The following NBEA variants were observed in gnomAD, a reference collection of about 807,000 sequenced individuals.
NBEA encodes neurobeachin.
Under a neutral mutation model 343.4 loss-of-function variants are expected in NBEA, and 44 were observed. The observed-to-expected ratio is 0.13, with a 90% CI of 0.10 to 0.16. The LOEUF is 0.16. Ranked by LOEUF, NBEA falls within the 10% of genes least tolerant of loss-of-function variation. The pLI is 1.00. For synonymous variants in NBEA, 1,175 were observed against 1,238.7 expected, an observed-to-expected ratio of 0.95 and a Z score of 1.08; for missense variants, 2,555 against 3,631.3, an observed-to-expected ratio of 0.70 and a Z score of 7.62.
At chr13:35,101,161 T>A (rs932780220) in intron 11 of NBEA, among the ~76,000 whole-genome samples, 1 of 152,054 alleles carries the variant, frequency 6.6e-6, no homozygotes, top group African/African-American at 2.4e-5. Flanking sequence ...CTGCCATGAA[T>A]GTTCATGTGC....
At chr13:35,061,757 G>T (rs529092902) in intron 8 of NBEA, among the ~76,000 whole-genome samples, 17 of 151,732 alleles carry the variant, frequency 1.1e-4, no homozygotes, top group Non-Finnish European at 1.8e-4. Flanking sequence ...GTATGGAGGG[G>T]TGAGCTCCTA....
At chr13:35,103,743 A>G (rs1014370151) in intron 11 of NBEA, among the ~76,000 whole-genome samples, 5 of 151,866 alleles carry the variant, frequency 3.3e-5, no homozygotes, top group African/African-American at 1.2e-4. Flanking sequence ...AGTAGTTGAA[A>G]CCAAAAAGTT....
intron 53 of NBEA, 126 bp downstream of exon 53, chr13:35,652,002 TATC>T (rs2084547158): frequency 1.5e-6 from 1 of 652,080 alleles, no homozygotes; most frequent in Non-Finnish European, 2.7e-6. Context: ...AATATCAAAT[TATC>T]ATCAAGGAGC....
chr13:35,625,156 T>C (rs2083166998), intron 48 of NBEA, among the ~76,000 whole-genome samples: 1 of 152,188 alleles, frequency 6.6e-6, no homozygotes, highest in Non-Finnish European at 1.5e-5. Context: ...TTTATCTCTA[T>C]AATTCAAGAC....
chr13:35,354,788 T>A (rs2040398746), intron 38 of NBEA, among the ~76,000 whole-genome samples: 3 of 152,292 alleles, frequency 2.0e-5, no homozygotes, highest in African/African-American at 4.8e-5. Context: ...AGTCCCATGA[T>A]TTAAAAATAC....
At chr13:35,507,727 C>T (rs1051144864) in intron 41 of NBEA, among the ~76,000 whole-genome samples, 1 of 152,186 alleles carries the variant, frequency 6.6e-6, no homozygotes, top group African/African-American at 2.4e-5. Context: ...TTGTCACCAT[C>T]TCCATGGCTA....
intron 41 of NBEA, among the ~76,000 whole-genome samples, chr13:35,486,036 G>A (rs1236643820): frequency 6.6e-6 from 1 of 151,024 alleles, no homozygotes; most frequent in Non-Finnish European, 1.5e-5. Flanking sequence ...AAAATAGGCT[G>A]ATGAAATTTT....
At chr13:35,599,074 T>A (rs2081934698) in intron 47 of NBEA, among the ~76,000 whole-genome samples, 3 of 152,146 alleles carry the variant, frequency 2.0e-5, no homozygotes, top group African/African-American at 7.2e-5. Flanking sequence ...TGTTCTGTCT[T>A]TGAAATTATT....
intron 55 of NBEA, among the ~76,000 whole-genome samples, chr13:35,661,191 T>G (rs1291834824): frequency 1.3e-5 from 2 of 152,168 alleles, no homozygotes; most frequent in Non-Finnish European, 2.9e-5. Flanking sequence ...TCAGAGAGCT[T>G]CAGGTTCCAA....
chr13:35,668,266 A>G, intron 57 of NBEA, 102 bp from the exon 58 acceptor site: 1 of 1,137,794 alleles, frequency 8.8e-7, no homozygotes, highest in Non-Finnish European at 1.3e-6. Context: ...AGTACTTTTC[A>G]GTAGTGACAG....
At chr13:35,490,162 G>A (rs1161694700) in intron 41 of NBEA, among the ~76,000 whole-genome samples, 1 of 151,854 alleles carries the variant, frequency 6.6e-6, no homozygotes, top group East Asian at 1.9e-4. Context: ...ACAAAAGAAG[G>A]CTATAACTTT....
rs181149098 is a variant in NBEA, at chr13:35,049,323, A to G, written c.845+639A>G. ...GTTTATATATATGATTTCATTTAAT[A>G]CTTGCAATACTCTGTAATAAGACGG... is the stretch of plus-strand genomic sequence containing the variant. On this transcript the variant is annotated intron_variant, in intron 5 of 58. Transcript: ENST00000379939. Among the ~76,000 whole-genome samples the G allele has an allele frequency of 2.2e-4, 33 of 151,946 alleles. No homozygotes were observed. In the East Asian group the frequency reaches 6.0e-3, roughly 28 times the overall value.
At position 35,194,547 on chromosome 13, in the gene NBEA, G is replaced by A. The variant is rs1283498571; in HGVS notation, c.4928-1317G>A. Reference sequence around the variant, plus strand: ...ATGAAACTTTCAAACTTAAATGCAAGTTTAAGCAATACAAATAGCTAACAT... The same window carrying A: ...ATGAAACTTTCAAACTTAAATGCAAATTTAAGCAATACAAATAGCTAACAT... On this transcript the variant is annotated intron_variant, in intron 30 of 58. Coordinates refer to ENST00000379939, the MANE Select transcript of NBEA (RefSeq NM_001385012.1). 2.6e-5 allele frequency among the ~76,000 whole-genome samples: 4 copies of A among 152,158 alleles called. No homozygotes were observed. The East Asian group carries it at 7.7e-4, about 29-fold the overall frequency.
chr13:35,044,556 T>A (rs1202345238), intron 2 of NBEA, among the ~76,000 whole-genome samples: 3 of 151,974 alleles, frequency 2.0e-5, no homozygotes, highest in Admixed American at 1.3e-4. Context: ...TCTTTGTACA[T>A]TTGCATATTT....
chr13:35,251,437 A>G (rs2031943999), intron 34 of NBEA: 1 of 1,055,856 alleles, frequency 9.5e-7, no homozygotes, highest in Non-Finnish European at 1.1e-6. Context: ...GCTCACTTTG[A>G]TGCTGGAGAA....
rs182953542 is a variant in NBEA at position 35,398,166 on chromosome 13, A to T, written c.6180-34103A>T. Among the ~76,000 whole-genome samples, 9 of 152,294 alleles carry T rather than the reference A, an allele frequency of 5.9e-5. 1 individual carries two copies. The highest frequency in any genetic ancestry group is 3.9e-4 in the Admixed American group (6 of 15,278). The stretch of plus-strand genomic sequence containing the variant: ...TCTCAAGAAACCGTTTTCTTTGTTC[A>T]TAAGAAGCAACTCCTCATCCTCAAA... On this transcript the variant is annotated intron_variant, in intron 38 of 58. Coordinates refer to ENST00000379939, the MANE Select transcript of NBEA (RefSeq NM_001385012.1).
intron 41 of NBEA, among the ~76,000 whole-genome samples, chr13:35,527,349 G>T (rs9574088): frequency 6.6e-6 from 1 of 152,052 alleles, no homozygotes; most frequent in Non-Finnish European, 1.5e-5. Context: ...CCGGCTTCAG[G>T]CCATTCCTGG....
At chr13:35,646,460 G>C in intron 51 of NBEA, 112 bp downstream of exon 51, 1 of 775,162 alleles carries the variant, frequency 1.3e-6, no homozygotes, top group Non-Finnish European at 2.1e-6. Flanking sequence ...CGATTTATTG[G>C]TTAACTCTTC....
intron 34 of NBEA, among the ~76,000 whole-genome samples, chr13:35,258,296 T>A (rs930458875): frequency 6.6e-6 from 1 of 151,920 alleles, no homozygotes; most frequent in Admixed American, 6.6e-5. Flanking sequence ...GCCTCCTGAG[T>A]AGCTGGGATT....
Sources: allele counts gnomAD v4.1 joint callset (sites outside exome capture counted in the v4.1 genomes callset), GRCh38; gene constraint gnomAD v4.1.1; transcripts MANE v1.5; gene names NCBI Gene and HGNC (gene_info 2026-07-23, HGNC 2026-07-21).